The following DHRSX variants were observed in gnomAD, a reference collection of about 807,000 sequenced individuals.
DHRSX encodes the protein dehydrogenase/reductase X-linked, also known as polyprenol dehydrogenase.
Under a neutral mutation model 34.0 loss-of-function variants are expected in DHRSX, and 31 were observed. The ratio of observed to expected loss-of-function variants is 0.91; its 90% CI spans 0.69 to 1.23. The LOEUF is 1.23. DHRSX is among the 50% of genes most tolerant of loss of function. DHRSX has a pLI of 0.00. For synonymous variants in DHRSX, 201 were observed against 183.8 expected (o/e 1.09, Z -0.76); for missense variants, 414 against 428.1 (o/e 0.97, Z 0.29).
At chrX:2,472,022 G>C (rs1569504819) in intron 1 of DHRSX, among the ~76,000 whole-genome samples, 1 of 151,624 alleles carries the variant, frequency 6.6e-6, no homozygotes. Context: ...GCATGTGTCT[G>C]TAATCTCAGT....
intron 4 of DHRSX, among the ~76,000 whole-genome samples, chrX:2,271,767 G>A (rs144336768): frequency 0.039 from 5,978 of 152,146 alleles, 321 homozygotes; most frequent in African/African-American, 0.12. Flanking sequence ...AGCCCGGCCC[G>A]GTGGGTCATG....
chrX:2,464,616 CTG>C (rs924551792), intron 1 of DHRSX, among the ~76,000 whole-genome samples: 17 of 151,556 alleles, frequency 1.1e-4, no homozygotes, highest in African/African-American at 4.1e-4. Flanking sequence ...CGTGTGCACA[CTG>C]AAGATGTTCC....
At position 2,220,931 on chromosome X, in the gene DHRSX, C is replaced by A; in HGVS notation, c.*110G>T. The A allele has an allele frequency of 9.6e-7, 1 of 1,042,756 alleles. No individual in the cohort carries two copies. Among genetic ancestry groups the A allele is most frequent in the Non-Finnish European group, 1.4e-6 (1 of 710,238 alleles). 64.6% of individuals were successfully genotyped at this position (1,042,756 alleles called of 1,614,324 possible). On this transcript the variant is annotated 3_prime_UTR_variant, in exon 7 of 7. Transcript: ENST00000334651. ...TGTCTCAAAACTAGAGGACAGAGCC[C>A]TGTGGGCAGGTGGGTGTGAGAAACT...
At chrX:2,336,007 GTTTTTGTT>G (rs1048636859) in intron 3 of DHRSX, among the ~76,000 whole-genome samples, 5 of 151,776 alleles carry the variant, frequency 3.3e-5, no homozygotes. Flanking sequence ...TTTTGTTTTT[GTTTTTGTT>G]TTTTTGTTGT....
chrX:2,470,802 T>A (rs1471792246), intron 1 of DHRSX, among the ~76,000 whole-genome samples: 1 of 152,204 alleles, frequency 6.6e-6, no homozygotes, highest in Non-Finnish European at 1.5e-5. Flanking sequence ...TAGTTAATAA[T>A]ACATCACGTC....
chrX:2,245,961 C>CAAAAAAAA (rs1349755698), intron 5 of DHRSX, among the ~76,000 whole-genome samples: 2 of 59,326 alleles, frequency 3.4e-5, no homozygotes, highest in Non-Finnish European at 6.2e-5. Context: ...GACTCCATCT[C>CAAAAAAAA]AAAAAAAACA....
intron 5 of DHRSX, among the ~76,000 whole-genome samples, chrX:2,257,499 G>A: frequency 6.6e-6 from 1 of 152,284 alleles, no homozygotes; most frequent in Non-Finnish European, 1.5e-5. Flanking sequence ...GCCGGCTGAG[G>A]CGTGTTCTAT....
At chrX:2,265,560 T>A (rs1388562123) in intron 5 of DHRSX, among the ~76,000 whole-genome samples, 27 of 72,916 alleles carry the variant, frequency 3.7e-4, no homozygotes, top group Middle Eastern at 8.2e-3. Flanking sequence ...GCACCAGTGC[T>A]CAGCAGATGC....
chrX:2,266,847 C>T lies in DHRSX; in HGVS notation c.489G>A (p.Leu163=). The T allele has an allele frequency of 6.2e-7, 1 of 1,613,926 alleles. No homozygotes were observed. Among genetic ancestry groups the T allele is most frequent in the Non-Finnish European group, 8.5e-7 (1 of 1,179,840 alleles). ...LGHFLLTNLL[L]DTLKESGSPG... ...GGGACCCAGACTCTTTCAGCGTATC[C>T]AAGAGAAGGTTGGTCAGCAGGAAGT... Residue 163 remains leucine (L), a synonymous_variant, in exon 5 of 7, where the codon TTG becomes TTA. Transcript: ENST00000334651.
chrX:2,390,905 C>T (rs2043328360), intron 3 of DHRSX, among the ~76,000 whole-genome samples: 2 of 150,888 alleles, frequency 1.3e-5, no homozygotes, highest in Non-Finnish European at 2.9e-5. Flanking sequence ...CACAGTTTCT[C>T]TCCACCTTTT....
At chrX:2,500,704 CGGGAG>C (rs2124154763) in intron 1 of DHRSX, 108 bp downstream of exon 1, 1 of 243,980 alleles carries the variant, frequency 4.1e-6, no homozygotes, top group Non-Finnish European at 6.6e-6. Context: ...GCCCCACTTC[CGGGAG>C]CGCCACCGCC....
chrX:2,330,075 G>A (rs1338073210), intron 3 of DHRSX, among the ~76,000 whole-genome samples: 53 of 2,690 alleles, frequency 0.02, 1 homozygote, highest in Admixed American at 0.024. Context: ...AGAGACGGCG[G>A]GGGGGGGGGG....
rs192717611 is a variant in DHRSX, at chrX:2,389,423, G to C, written c.286+19322C>G. ...GAAAGTGATGGCGGTAACCTGGGAG[G>C]GGGTGGGTAGGTAGGTTTCGTGTCC... On this transcript the variant is annotated intron_variant, in intron 3 of 6. Transcript: ENST00000334651. 1.1e-3 allele frequency among the ~76,000 whole-genome samples: 161 copies of C among 152,264 alleles called. 2 individuals carry two copies. Among genetic ancestry groups the C allele is most frequent in the East Asian group, 5.8e-3 (30 of 5,170 alleles).
chrX:2,430,841 C>T (rs180921591), intron 1 of DHRSX, among the ~76,000 whole-genome samples: 1 of 151,636 alleles, frequency 6.6e-6, no homozygotes, highest in Admixed American at 6.6e-5. Flanking sequence ...AGTGAAGCCC[C>T]ATTGCTACAA....
intron 3 of DHRSX, among the ~76,000 whole-genome samples, chrX:2,353,108 G>T (rs1331477922): frequency 2.0e-5 from 3 of 152,176 alleles, no homozygotes; most frequent in Admixed American, 6.5e-5. Context: ...AGCAGGGCAT[G>T]GTAGCACGTG....
chrX:2,249,252 G>A (rs1302403601), intron 5 of DHRSX, among the ~76,000 whole-genome samples: 1 of 143,442 alleles, frequency 7.0e-6, no homozygotes, highest in African/African-American at 2.6e-5. Context: ...GAGTACAGTG[G>A]CACAATCCTG....
At chrX:2,302,684 C>T (rs1195496852) in intron 3 of DHRSX, among the ~76,000 whole-genome samples, 1 of 152,024 alleles carries the variant, frequency 6.6e-6, no homozygotes, top group African/African-American at 2.4e-5. Flanking sequence ...AATCAGACGG[C>T]TGCCACTCTG....
At chrX:2,304,045 ATGGATGGATGGATGGATGGG>A (rs1322365065) in intron 3 of DHRSX, among the ~76,000 whole-genome samples, 60 of 123,092 alleles carry the variant, frequency 4.9e-4, no homozygotes, top group Admixed American at 1.3e-3. Flanking sequence ...GGATGGATGG[ATGGATGGATGGATGGATGGG>A]TGGATGGATG....
intron 1 of DHRSX, among the ~76,000 whole-genome samples, chrX:2,485,026 G>C (rs1301532512): frequency 1.3e-5 from 2 of 152,178 alleles, no homozygotes; most frequent in South Asian, 2.1e-4. Context: ...TGGGAAAACA[G>C]TTCGAAGCAG....
Sources: gnomAD v4.1 joint callset for allele counts (sites outside exome capture counted in the v4.1 genomes callset) on GRCh38, gnomAD v4.1.1 for gene constraint, MANE v1.5 for transcripts, NCBI Gene and HGNC (gene_info 2026-07-23, HGNC 2026-07-21) for gene names.